The following RORA variants were observed in gnomAD, a reference collection of about 807,000 sequenced individuals.
RORA encodes nuclear receptor ROR-alpha.
RORA carries 7 observed loss-of-function variants against 69.5 expected under a neutral mutation model. That is an observed-to-expected ratio of 0.10 (90% CI 0.06 to 0.19). RORA has a LOEUF of 0.19. Ranked by LOEUF, RORA falls within the 10% of genes least tolerant of loss-of-function variation. The pLI, the probability that RORA is intolerant of heterozygous loss-of-function variation, is 1.00. For synonymous variants in RORA, 261 were observed against 240.8 expected (o/e 1.08, Z -0.78); for missense variants, 457 against 663.0 (o/e 0.69, Z 3.41).
At chr15:61,183,512 G>T (rs1245189295) in intron 1 of RORA, among the ~76,000 whole-genome samples, 1 of 141,238 alleles carries the variant, frequency 7.1e-6, no homozygotes. Flanking sequence ...TCTAGCCTGG[G>T]CAACAAGAGT....
chr15:60,819,746 GACACACACACACACACACACACACACAC>G (rs59044853), intron 1 of RORA, among the ~76,000 whole-genome samples: 1 of 119,292 alleles, frequency 8.4e-6, no homozygotes, highest in African/African-American at 3.4e-5. Context: ...GTCAAACCCA[GACACACACACACACACACACACACACAC>G]ACACACACAC....
chr15:60,756,273 A>G (rs145353351), intron 1 of RORA, among the ~76,000 whole-genome samples: 215 of 152,332 alleles, frequency 1.4e-3, no homozygotes, highest in South Asian at 0.011. Flanking sequence ...TTGGGTGAGG[A>G]GCTGAATGTT....
chr15:60,566,138 G>C (rs1244198773), intron 2 of RORA, among the ~76,000 whole-genome samples: 2 of 152,112 alleles, frequency 1.3e-5, no homozygotes, highest in African/African-American at 4.8e-5. Context: ...ATAAGCTTAT[G>C]ATTATTATAA....
At chr15:60,796,683 T>C (rs1450645388) in intron 1 of RORA, among the ~76,000 whole-genome samples, 1 of 152,066 alleles carries the variant, frequency 6.6e-6, no homozygotes, top group African/African-American at 2.4e-5. Flanking sequence ...CACTCCTAGG[T>C]ATATACCCAA....
intron 1 of RORA, among the ~76,000 whole-genome samples, chr15:60,678,952 C>A (rs554080264): frequency 2.6e-5 from 4 of 152,238 alleles, no homozygotes; most frequent in African/African-American, 9.6e-5. Flanking sequence ...CAGGGTTAAA[C>A]AGGACGCGAG....
At chr15:60,879,141 T>C (rs973274204) in intron 1 of RORA, among the ~76,000 whole-genome samples, 2 of 152,206 alleles carry the variant, frequency 1.3e-5, no homozygotes, top group African/African-American at 2.4e-5. Flanking sequence ...GTTAGAAGCA[T>C]ACACTTCATC....
At chr15:60,936,905 G>A (rs1356873954) in intron 1 of RORA, among the ~76,000 whole-genome samples, 1 of 152,158 alleles carries the variant, frequency 6.6e-6, no homozygotes, top group African/African-American at 2.4e-5. Flanking sequence ...AAAGCACTGT[G>A]CTGATGTAAG....
rs183082131 is a variant in RORA at position 60,550,030 on chromosome 15, C to T, written c.197-18179G>A. 7.0e-4 allele frequency among the ~76,000 whole-genome samples: 107 copies of T among 151,862 alleles called. 1 individual carries two copies. The highest frequency in any genetic ancestry group is 6.0e-3 in the Admixed American group (92 of 15,266). ...AAGAGGGGCCGGGCGCGGTGGCTCA[C>T]GCCTGTAATCCCAGCACTTTGAAAG... On this transcript the variant is annotated intron_variant, in intron 2 of 10. Transcript: ENST00000335670.
chr15:60,569,410 C>T (rs1311475200), intron 2 of RORA, among the ~76,000 whole-genome samples: 1 of 151,994 alleles, frequency 6.6e-6, no homozygotes, highest in Non-Finnish European at 1.5e-5. Context: ...GCCTGTGAGA[C>T]CCTGTCTCTT....
chr15:60,922,956 A>G (rs1400364173), intron 1 of RORA, among the ~76,000 whole-genome samples: 1 of 152,254 alleles, frequency 6.6e-6, no homozygotes, highest in Non-Finnish European at 1.5e-5. Context: ...ATTTCCGGGA[A>G]GACAGACAAG....
intron 2 of RORA, among the ~76,000 whole-genome samples, chr15:60,593,847 A>G (rs2068608368): frequency 6.6e-6 from 1 of 151,606 alleles, no homozygotes; most frequent in Non-Finnish European, 1.5e-5. Flanking sequence ...CATGTAAGTG[A>G]GTTGCTCTTG....
intron 1 of RORA, among the ~76,000 whole-genome samples, chr15:61,004,472 G>A (rs1319730875): frequency 6.6e-6 from 1 of 151,896 alleles, no homozygotes; most frequent in Non-Finnish European, 1.5e-5. Flanking sequence ...CAAGGCACAT[G>A]GGGGCAGAGT....
At chr15:60,972,331 G>A (rs567187862) in intron 1 of RORA, among the ~76,000 whole-genome samples, 3 of 152,306 alleles carry the variant, frequency 2.0e-5, no homozygotes, top group East Asian at 1.9e-4. Flanking sequence ...TAAAGAGCAG[G>A]CTGCAGCTAT....
intron 1 of RORA, among the ~76,000 whole-genome samples, chr15:61,079,726 C>T (rs2078510032): frequency 6.6e-6 from 1 of 152,148 alleles, no homozygotes. Context: ...CACTGGATAC[C>T]CAGCAGAATA....
chr15:60,935,537 C>G (rs1566915424), intron 1 of RORA, among the ~76,000 whole-genome samples: 1 of 152,166 alleles, frequency 6.6e-6, no homozygotes. Flanking sequence ...ACATCTATGG[C>G]TACATATTAC....
chr15:60,990,121 T>C (rs574249000), intron 1 of RORA, among the ~76,000 whole-genome samples: 13 of 152,370 alleles, frequency 8.5e-5, no homozygotes, highest in African/African-American at 3.1e-4. Flanking sequence ...GGAAAATCAA[T>C]AGCAGCAGAC....
intron 1 of RORA, among the ~76,000 whole-genome samples, chr15:61,015,276 T>C (rs1280598465): frequency 2.6e-5 from 4 of 152,158 alleles, no homozygotes; most frequent in African/African-American, 9.7e-5. Flanking sequence ...GGGGAGGGAC[T>C]TTCCTGCCAA....
chr15:60,646,011 T>C (rs979089052), intron 2 of RORA, among the ~76,000 whole-genome samples: 1 of 152,186 alleles, frequency 6.6e-6, no homozygotes, highest in African/African-American at 2.4e-5. Flanking sequence ...CTCGCCCGTA[T>C]GCTCTGAAAG....
Position 60,984,937 on chromosome 15 carries a change from T to G in RORA, c.166+244116A>C, listed in dbSNP as rs185214941. On this transcript the variant is annotated intron_variant, in intron 1 of 10. Transcript: ENST00000335670. Reference sequence around the variant, plus strand: ...TTCTTCACTATAGACAAATGTCAGTTTAGAAGATCTATGCTGTTTGGTTTG... The same window carrying G: ...TTCTTCACTATAGACAAATGTCAGTGTAGAAGATCTATGCTGTTTGGTTTG... Among the ~76,000 whole-genome samples, 91 of 151,278 alleles carry G rather than the reference T, an allele frequency of 6.0e-4. 1 individual carries two copies. The highest frequency in any genetic ancestry group is 4.3e-3 in the Admixed American group (65 of 15,248).
Sources: allele counts gnomAD v4.1 joint callset (sites outside exome capture counted in the v4.1 genomes callset), GRCh38; gene constraint gnomAD v4.1.1; transcripts MANE v1.5; gene names NCBI Gene and HGNC (gene_info 2026-07-23, HGNC 2026-07-21).